DSCAM: variants seen among roughly 807,000 people sequenced by gnomAD.
The protein encoded by DSCAM is cell adhesion molecule DSCAM.
Under a neutral mutation model 217.7 loss-of-function variants are expected in DSCAM, and 47 were observed. That is an observed-to-expected ratio of 0.22 (90% CI 0.17 to 0.28). The LOEUF is 0.28. DSCAM is among the 10% of genes least tolerant of loss of function. The probability of loss-of-function intolerance (pLI) is 1.00; values close to 1 mark genes in which losing one functional copy is unlikely to be tolerated. For missense variants in DSCAM, 2,080 were observed against 2,618.3 expected, an observed-to-expected ratio of 0.79 and a Z score of 4.49; for synonymous variants, 1,056 against 1,015.3, an observed-to-expected ratio of 1.04 and a Z score of -0.76.
chr21:40,846,710 C>T lies in DSCAM; in HGVS notation c.-49G>A, dbSNP rs767641459. ...CGCGAGCGACGCGCCGGCCTCGCCC[C>T]CCGCGCTCCGCCCGGCCCGGCTCCG... On this transcript the variant is annotated 5_prime_UTR_variant, in exon 1 of 33. Transcript: ENST00000400454. 4.1e-6 allele frequency: 4 copies of T among 983,276 alleles called. No homozygotes were observed. In the African/African-American group the frequency reaches 5.3e-5, roughly 13 times the overall value. The allele number at this position is 983,276 out of a possible 1,614,324, so 60.9% of individuals were successfully genotyped here.
At chr21:40,069,764 A>T (rs1007087345) in intron 27 of DSCAM, among the ~76,000 whole-genome samples, 1 of 152,182 alleles carries the variant, frequency 6.6e-6, no homozygotes, top group Non-Finnish European at 1.5e-5. Flanking sequence ...TAGTCTCATA[A>T]AGTAGCTATT....
At chr21:40,055,381 T>G (rs1288460664) in intron 29 of DSCAM, among the ~76,000 whole-genome samples, 2 of 152,150 alleles carry the variant, frequency 1.3e-5, no homozygotes, top group Non-Finnish European at 2.9e-5. Context: ...GTGCAGGCCT[T>G]CTGGATTGAT....
At chr21:40,308,766 T>C (rs2074107306) in intron 9 of DSCAM, among the ~76,000 whole-genome samples, 1 of 152,154 alleles carries the variant, frequency 6.6e-6, no homozygotes, top group Admixed American at 6.6e-5. Flanking sequence ...AATTTTATAG[T>C]TGGTTTGTAG....
intron 4 of DSCAM, among the ~76,000 whole-genome samples, chr21:40,360,029 G>T (rs1601584791): frequency 1.3e-5 from 2 of 150,266 alleles, no homozygotes; most frequent in South Asian, 4.3e-4. Flanking sequence ...GGCGGTATAT[G>T]TGCAGATTTG....
chr21:40,771,158 G>C (rs2091440876), intron 1 of DSCAM, among the ~76,000 whole-genome samples: 2 of 152,204 alleles, frequency 1.3e-5, no homozygotes, highest in African/African-American at 2.4e-5. Flanking sequence ...GTGGGAGACA[G>C]GCCACCCAGC....
At position 40,036,261 on chromosome 21, in the gene DSCAM, A is replaced by G. The variant is rs1345009736; in HGVS notation, c.5686+6110T>C. ...TTGAAAGGATCAACAAAATAGATAGACTGCTAGCAAGACTAATAAAGAGAA... is the reference window on the plus strand; with the variant it reads ...TTGAAAGGATCAACAAAATAGATAGGCTGCTAGCAAGACTAATAAAGAGAA... On this transcript the variant is annotated intron_variant, in intron 32 of 32. Coordinates refer to ENST00000400454, the MANE Select transcript of DSCAM (RefSeq NM_001389.5). 3.3e-5 allele frequency among the ~76,000 whole-genome samples: 5 copies of G among 149,598 alleles called. No homozygotes were observed. The East Asian group carries it at 9.6e-4, about 29-fold the overall frequency.
At chr21:40,387,254 G>GA (rs985764868) in intron 3 of DSCAM, among the ~76,000 whole-genome samples, 1 of 151,312 alleles carries the variant, frequency 6.6e-6, no homozygotes, top group Non-Finnish European at 1.5e-5. Flanking sequence ...CATTTAGGGG[G>GA]AAAAAACATA....
At chr21:40,303,133 A>T (rs959097237) in intron 9 of DSCAM, among the ~76,000 whole-genome samples, 8 of 152,118 alleles carry the variant, frequency 5.3e-5, no homozygotes, top group South Asian at 2.1e-4. Context: ...TTTAGTTGAG[A>T]TGGGACTTGG....
At position 40,201,053 on chromosome 21, in the gene DSCAM, A is replaced by G. The variant is rs73364184; in HGVS notation, c.2357-11815T>C. On this transcript the variant is annotated intron_variant, in intron 11 of 32. Coordinates refer to ENST00000400454, the MANE Select transcript of DSCAM (RefSeq NM_001389.5). Reference sequence around the variant, plus strand: ...TCCTCAGCTGGGTTATTATGCTTACATAATGAAGTTACTTAGATTATAACC... The same window carrying G: ...TCCTCAGCTGGGTTATTATGCTTACGTAATGAAGTTACTTAGATTATAACC... Among the ~76,000 whole-genome samples the G allele has an allele frequency of 8.7e-3, 1,331 of 152,338 alleles. 15 individuals are homozygous for G. The highest frequency in any genetic ancestry group is 0.031 in the African/African-American group (1,292 of 41,572).
At chr21:40,040,157 A>T (rs2088718162) in intron 32 of DSCAM, among the ~76,000 whole-genome samples, 1 of 152,248 alleles carries the variant, frequency 6.6e-6, no homozygotes, top group African/African-American at 2.4e-5. Flanking sequence ...TAATGCAGTC[A>T]TCTAGGGTAG....
At chr21:40,628,175 G>T (rs1173298065) in intron 3 of DSCAM, among the ~76,000 whole-genome samples, 1 of 152,166 alleles carries the variant, frequency 6.6e-6, no homozygotes, top group African/African-American at 2.4e-5. Flanking sequence ...CCTCTTTTCT[G>T]ATCCATACTT....
intron 3 of DSCAM, among the ~76,000 whole-genome samples, chr21:40,479,852 T>C (rs1181221864): frequency 6.6e-6 from 1 of 152,098 alleles, no homozygotes; most frequent in East Asian, 1.9e-4. Flanking sequence ...TGAAGAAAAA[T>C]AAGTTGTAAA....
At chr21:40,646,052 G>A (rs1017174024) in intron 3 of DSCAM, among the ~76,000 whole-genome samples, 6 of 152,090 alleles carry the variant, frequency 3.9e-5, no homozygotes, top group Non-Finnish European at 5.9e-5. Context: ...AGTTTGAGCC[G>A]ATGAAGGGAG....
intron 1 of DSCAM, among the ~76,000 whole-genome samples, chr21:40,819,292 T>C (rs541351788): frequency 6.6e-6 from 1 of 152,372 alleles, no homozygotes; most frequent in African/African-American, 2.4e-5. Context: ...TGAACACAGA[T>C]TGCCTCAAAC....
intron 20 of DSCAM, among the ~76,000 whole-genome samples, chr21:40,104,279 C>G (rs2089790763): frequency 6.6e-6 from 1 of 151,970 alleles, no homozygotes. Context: ...TTCTCACATA[C>G]AAGAAATTAA....
At chr21:40,451,515 T>C (rs775302852) in intron 3 of DSCAM, among the ~76,000 whole-genome samples, 43 of 152,158 alleles carry the variant, frequency 2.8e-4, no homozygotes, top group Non-Finnish European at 5.9e-5. Flanking sequence ...CAATTAGGTG[T>C]GTGGGGCTCG....
intron 9 of DSCAM, among the ~76,000 whole-genome samples, chr21:40,308,961 A>G (rs1255065806): frequency 1.3e-5 from 2 of 152,172 alleles, no homozygotes; most frequent in Non-Finnish European, 2.9e-5. Context: ...CTGCACTGGT[A>G]CAAAGAATTC....
chr21:40,106,210 A>G (rs1230207525), intron 20 of DSCAM, among the ~76,000 whole-genome samples: 1 of 152,192 alleles, frequency 6.6e-6, no homozygotes, highest in Non-Finnish European at 1.5e-5. Flanking sequence ...CACTATCATG[A>G]GAACAGCACA....
intron 3 of DSCAM, among the ~76,000 whole-genome samples, chr21:40,494,328 G>A (rs1354448502): frequency 6.6e-6 from 1 of 152,130 alleles, no homozygotes; most frequent in Non-Finnish European, 1.5e-5. Flanking sequence ...CAGATTTAAG[G>A]ACATGCATAG....
Sources: gnomAD v4.1 joint callset for allele counts (sites outside exome capture counted in the v4.1 genomes callset) on GRCh38, gnomAD v4.1.1 for gene constraint, MANE v1.5 for transcripts, NCBI Gene and HGNC (gene_info 2026-07-23, HGNC 2026-07-21) for gene names.